The following GALNT17 variants were observed in gnomAD, a reference collection of about 807,000 sequenced individuals.
GALNT17 encodes polypeptide N-acetylgalactosaminyltransferase 17.
Under a neutral mutation model 63.7 loss-of-function variants are expected in GALNT17, and 29 were observed. The observed-to-expected ratio is 0.46, with a 90% confidence interval of 0.34 to 0.62. The LOEUF (loss-of-function observed/expected upper bound fraction) is 0.62. GALNT17 is among the 20% of genes least tolerant of loss of function. GALNT17 has a pLI of 0.01. For missense variants in GALNT17, 603 were observed against 799.6 expected (o/e 0.75, Z 2.97); for synonymous variants, 305 against 318.3 (o/e 0.96, Z 0.45).
At chr7:71,235,721 T>C (rs1463170568) in intron 1 of GALNT17, among the ~76,000 whole-genome samples, 1 of 152,172 alleles carries the variant, frequency 6.6e-6, no homozygotes, top group Non-Finnish European at 1.5e-5. Flanking sequence ...TTCTATTTAG[T>C]CTAGCCTGTG....
At chr7:71,466,577 T>C (rs989706852) in intron 5 of GALNT17, among the ~76,000 whole-genome samples, 3 of 152,278 alleles carry the variant, frequency 2.0e-5, no homozygotes, top group South Asian at 2.1e-4. Context: ...TTCCTAGGTC[T>C]TTCCTGGAGA....
chr7:71,701,923 G>GTATATA (rs1280964113), intron 9 of GALNT17, among the ~76,000 whole-genome samples: 4 of 125,546 alleles, frequency 3.2e-5, no homozygotes, highest in Admixed American at 2.4e-4. Flanking sequence ...ATATATATAT[G>GTATATA]TATATATATA....
chr7:71,608,398 A>C (rs1344032892), intron 6 of GALNT17, among the ~76,000 whole-genome samples: 2 of 152,150 alleles, frequency 1.3e-5, no homozygotes, highest in Admixed American at 6.5e-5. Context: ...GTTGGGATGG[A>C]GGTGTCACGT....
intron 5 of GALNT17, among the ~76,000 whole-genome samples, chr7:71,554,752 A>T (rs1789134685): frequency 6.6e-6 from 1 of 152,168 alleles, no homozygotes; most frequent in African/African-American, 2.4e-5. Flanking sequence ...CACTCCCTGA[A>T]TTCCAACGTG....
At chr7:71,239,592 C>T (rs1328631759) in intron 1 of GALNT17, among the ~76,000 whole-genome samples, 1 of 152,192 alleles carries the variant, frequency 6.6e-6, no homozygotes, top group Non-Finnish European at 1.5e-5. Context: ...TGAGAGGTTC[C>T]TGCATGACAG....
At chr7:71,441,755 T>C (rs1360970825) in intron 5 of GALNT17, among the ~76,000 whole-genome samples, 1 of 152,202 alleles carries the variant, frequency 6.6e-6, no homozygotes, top group East Asian at 1.9e-4. Flanking sequence ...TCTGTTCCTG[T>C]GTTTGCTGAG....
chr7:71,468,098 C>T (rs1056115462), intron 5 of GALNT17, among the ~76,000 whole-genome samples: 3 of 151,690 alleles, frequency 2.0e-5, no homozygotes, highest in Admixed American at 1.3e-4. Flanking sequence ...CGTGACTGTA[C>T]CTCACTGCAG....
At chr7:71,591,272 T>C (rs565734355) in intron 6 of GALNT17, among the ~76,000 whole-genome samples, 1 of 152,198 alleles carries the variant, frequency 6.6e-6, no homozygotes, top group East Asian at 1.9e-4. Context: ...GCCAGGCTGG[T>C]CTTGAACTCT....
At chr7:71,239,296 C>CG (rs1456989245) in intron 1 of GALNT17, among the ~76,000 whole-genome samples, 1 of 40,620 alleles carries the variant, frequency 2.5e-5, no homozygotes, top group East Asian at 3.5e-3. Flanking sequence ...CCTGTCTGTA[C>CG]CCCCCCCCAA....
chr7:71,628,237 G>T (rs964320898), intron 6 of GALNT17, among the ~76,000 whole-genome samples: 18 of 152,058 alleles, frequency 1.2e-4, no homozygotes, highest in African/African-American at 4.3e-4. Flanking sequence ...ATAGGAAAAA[G>T]AGAAACAAAT....
chr7:71,435,201 G>A (rs1476980125), intron 5 of GALNT17, among the ~76,000 whole-genome samples: 6 of 152,126 alleles, frequency 3.9e-5, no homozygotes, highest in Non-Finnish European at 2.9e-5. Context: ...GGTGGTGCGT[G>A]CCTGAAACTG....
intron 1 of GALNT17, among the ~76,000 whole-genome samples, chr7:71,186,772 C>G (rs1788858117): frequency 6.6e-6 from 1 of 152,220 alleles, no homozygotes; most frequent in South Asian, 2.1e-4. Context: ...TTGGCCTGTA[C>G]AAACCAACTC....
In GALNT17 at chr7:71,162,130, T is replaced by TCCC. The variant is rs1343723450; in HGVS notation, c.238+29090_238+29091insCCC. On this transcript the variant is annotated intron_variant, in intron 1 of 10. Coordinates refer to ENST00000333538, the MANE Select transcript of GALNT17 (RefSeq NM_022479.3). Reference sequence around the variant, plus strand: ...CTTCCTCCCTCCCTCCCTCCCTTCCTTCCTTCCTTCCTTCCTTCCTTCCTT... The same window carrying TCCC: ...CTTCCTCCCTCCCTCCCTCCCTTCCTCCCTCCTTCCTTCCTTCCTTCCTTCCTT... Among the ~76,000 whole-genome samples, 105 of 124,702 alleles carry TCCC rather than the reference T, an allele frequency of 8.4e-4. No individual in the cohort carries two copies. In the Middle Eastern group the frequency reaches 0.011, roughly 13 times the overall value. The allele number at this position is 124,702 out of a possible 152,430, so 81.8% of individuals were successfully genotyped here.
chr7:71,356,876 G>A (rs1174922534), intron 2 of GALNT17, among the ~76,000 whole-genome samples: 3 of 152,100 alleles, frequency 2.0e-5, no homozygotes, highest in Non-Finnish European at 4.4e-5. Flanking sequence ...CCGCCTTCTG[G>A]GTTCAAGCAG....
chr7:71,544,995 T>G (rs569005254), intron 5 of GALNT17, among the ~76,000 whole-genome samples: 83 of 152,308 alleles, frequency 5.4e-4, no homozygotes, highest in Middle Eastern at 3.4e-3. Flanking sequence ...ATTTAGTAAT[T>G]CTCACTACTG....
intron 1 of GALNT17, among the ~76,000 whole-genome samples, chr7:71,321,020 G>T (rs1791596575): frequency 6.6e-6 from 1 of 152,166 alleles, no homozygotes; most frequent in Non-Finnish European, 1.5e-5. Flanking sequence ...GGAGTGCTTG[G>T]AGCATAGTGG....
chr7:71,309,217 C>G lies in GALNT17; in HGVS notation c.239-26333C>G, dbSNP rs117614140. Among the ~76,000 whole-genome samples the G allele has an allele frequency of 1.3e-3, 200 of 152,144 alleles. 1 individual carries two copies. Among genetic ancestry groups the G allele is most frequent in the Admixed American group, 3.0e-3 (46 of 15,268 alleles). On this transcript the variant is annotated intron_variant, in intron 1 of 10. Transcript: ENST00000333538. ...ATCCAGACCTGATCATTTCTTTTCT[C>G]TTTCCTACTCAAAACCTTTCTTGGT...
chr7:71,368,230 A>G (rs1264413055), intron 2 of GALNT17, among the ~76,000 whole-genome samples: 2 of 152,254 alleles, frequency 1.3e-5, no homozygotes, highest in South Asian at 2.1e-4. Context: ...AACCCTTGAC[A>G]CTGGGACTTC....
Position 71,185,888 on chromosome 7 carries a change from G to T in GALNT17, c.238+52848G>T, listed in dbSNP as rs576012284. Among the ~76,000 whole-genome samples, 4 of 152,304 alleles carry T rather than the reference G, an allele frequency of 2.6e-5. No homozygotes were observed. In the South Asian group the frequency reaches 6.2e-4, roughly 24 times the overall value. The stretch of plus-strand genomic sequence containing the variant: ...TCATAGTCAGTCGTAGAGTCATTGT[G>T]AAGTTTAGAGAGAAAATATATGAAG... On this transcript the variant is annotated intron_variant, in intron 1 of 10. Transcript: ENST00000333538.
Sources: gnomAD v4.1 joint callset for allele counts (sites outside exome capture counted in the v4.1 genomes callset) on GRCh38, gnomAD v4.1.1 for gene constraint, MANE v1.5 for transcripts, NCBI Gene and HGNC (gene_info 2026-07-23, HGNC 2026-07-21) for gene names.